The following SYNJ1 variants were observed in gnomAD, a reference collection of about 807,000 sequenced individuals.
SYNJ1 encodes the protein synaptojanin 1, also known as polyphosphatidylinositol phosphatase SYNJ1.
Under a neutral mutation model 168.2 loss-of-function variants are expected in SYNJ1, and 78 were observed. The ratio of observed to expected loss-of-function variants is 0.46; its 90% CI spans 0.39 to 0.56. The LOEUF is 0.56. Among genes scored for constraint, SYNJ1 ranks in the 20% least tolerant of loss-of-function variants. The pLI is 0.00. For missense variants in SYNJ1, 1,303 were observed against 1,597.6 expected, an observed-to-expected ratio of 0.82 and a Z score of 3.14; for synonymous variants, 539 against 548.6, an observed-to-expected ratio of 0.98 and a Z score of 0.24.
intron 21 of SYNJ1, among the ~76,000 whole-genome samples, chr21:32,654,830 C>A (rs1008253985): frequency 6.6e-6 from 1 of 152,104 alleles, no homozygotes; most frequent in South Asian, 2.1e-4. Flanking sequence ...TTCCAGGGAA[C>A]CTCTTATTTA....
chr21:32,666,281 GT>G (rs2040927732), intron 16 of SYNJ1, 146 bp from the exon 17 acceptor site: 26 of 1,421,088 alleles, frequency 1.8e-5, no homozygotes, highest in Non-Finnish European at 2.5e-5. Context: ...GAAGCTATTG[GT>G]GAGTCTTTAA....
intron 18 of SYNJ1, among the ~76,000 whole-genome samples, chr21:32,661,460 C>T (rs1569057890): frequency 1.3e-5 from 2 of 152,170 alleles, no homozygotes; most frequent in African/African-American, 2.4e-5. Context: ...CCAACACAAA[C>T]TGAAAAGGCC....
chr21:32,718,947 G>A (rs999586491), intron 2 of SYNJ1, among the ~76,000 whole-genome samples: 1 of 151,984 alleles, frequency 6.6e-6, no homozygotes, highest in Non-Finnish European at 1.5e-5. Context: ...GAAAATAATA[G>A]CCACACAATA....
intron 13 of SYNJ1, among the ~76,000 whole-genome samples, chr21:32,675,674 T>G (rs1433423650): frequency 6.6e-6 from 1 of 152,224 alleles, no homozygotes; most frequent in Non-Finnish European, 1.5e-5. Context: ...CAGATTCATG[T>G]TTAAAGACAA....
At chr21:32,702,069 T>A in intron 2 of SYNJ1, 22 bp from the exon 3 acceptor site, 1 of 1,524,820 alleles carries the variant, frequency 6.6e-7, no homozygotes, top group Non-Finnish European at 8.9e-7. Flanking sequence ...AGTTTTAGTT[T>A]AAGAAAAATG....
chr21:32,695,005 C>T, intron 5 of SYNJ1, 52 bp downstream of exon 5: 1 of 1,482,970 alleles, frequency 6.7e-7, no homozygotes, highest in Non-Finnish European at 9.2e-7. Flanking sequence ...CTAGTATTTT[C>T]TGTGCTTCTC....
At chr21:32,694,486 G>A (rs923772258) in intron 5 of SYNJ1, among the ~76,000 whole-genome samples, 175 bp from the exon 6 acceptor site, 2 of 151,666 alleles carry the variant, frequency 1.3e-5, no homozygotes, top group African/African-American at 2.4e-5. Flanking sequence ...TTCTGTTAGC[G>A]ATATTAACCA....
chr21:32,695,132 T>A lies in SYNJ1; in HGVS notation c.630A>T (p.Glu210Asp), dbSNP rs1377390036. ...KACLISRLSC[E>D]RAGTRFNVRG... ...GGACATTAAACCTGGTCCCAGCTCG[T>A]TCACAGCTTAATCTTGAAATGAGGC... Residue 210 changes from glutamate (E) to aspartate (D), a missense_variant, in exon 5 of 33, where the codon GAA becomes GAT. Physicochemically the swap from Glu to Asp is conservative, Grantham distance 45. Transcript: ENST00000674351. 1.2e-6 allele frequency: 2 copies of A among 1,614,048 alleles called. No individual in the cohort carries two copies. The highest frequency in any genetic ancestry group is 2.7e-5 in the African/African-American group (2 of 74,940).
At chr21:32,673,586 T>C (rs2041287506) in intron 13 of SYNJ1, 55 bp from the exon 14 acceptor site, 5 of 1,452,808 alleles carry the variant, frequency 3.4e-6, no homozygotes, top group South Asian at 2.8e-5. Flanking sequence ...TTTATAAAAA[T>C]TGATTTTCAT....
rs768146143 is a variant in SYNJ1 at position 32,688,320 on chromosome 21, T to G, written c.837A>C (p.Ala279=). 1.2e-6 allele frequency: 2 copies of G among 1,613,546 alleles called. No individual in the cohort carries two copies. Among genetic ancestry groups the G allele is most frequent in the South Asian group, 1.1e-5 (1 of 90,960 alleles). The change falls in exon 7 of 33, where the codon GCA becomes GCC. Residue 279 remains alanine, a synonymous_variant. Coordinates refer to ENST00000674351, the MANE Select transcript of SYNJ1 (RefSeq NM_203446.3). ...AATTGTCTTACCTGTCAAAAGCAGG[T>G]GCATTGGCTTCAAATCCCCTTGACA... is the stretch of plus-strand genomic sequence containing the variant. ...VRMSRGFEAN[A]PAFDRHFRTL... is the part of the protein sequence containing the mutation.
Position 32,646,582 on chromosome 21 carries a change from C to T in SYNJ1, c.3058G>A (p.Ala1020Thr). 1 of 1,614,100 alleles carries T rather than the reference C, an allele frequency of 6.2e-7. No individual in the cohort carries two copies. Among genetic ancestry groups the T allele is most frequent in the Non-Finnish European group, 8.5e-7 (1 of 1,179,994 alleles). Residue 1020 changes from alanine to threonine, a missense_variant, in exon 24 of 33, where the codon GCT becomes ACT. Physicochemically the swap from Ala to Thr is moderately conservative, Grantham distance 58. Transcript: ENST00000674351. Reference sequence around the variant, plus strand: ...TGAGGAAGAAGTTCCTCCACTTCAGCACTATAGTCATCAACATCACCTAAG... The same window carrying T: ...TGAGGAAGAAGTTCCTCCACTTCAGTACTATAGTCATCAACATCACCTAAG... ...DMEGDVDDYS[A>T]EVEELLPQHL... is the part of the protein sequence containing the mutation.
chr21:32,689,981 T>C (rs1359286304), intron 6 of SYNJ1, among the ~76,000 whole-genome samples: 1 of 152,244 alleles, frequency 6.6e-6, no homozygotes, highest in East Asian at 1.9e-4. Context: ...AATCCCAGAT[T>C]AATTGCCTAT....
At chr21:32,671,775 A>C (rs1192616981) in intron 14 of SYNJ1, among the ~76,000 whole-genome samples, 2 of 152,190 alleles carry the variant, frequency 1.3e-5, no homozygotes, top group African/African-American at 4.8e-5. Context: ...AGGGCATTTT[A>C]GGCCAGGTGC....
rs1317937539 is a variant in SYNJ1 at position 32,629,454 on chromosome 21, T to A, written c.*2351A>T. On this transcript the variant is annotated 3_prime_UTR_variant, in exon 33 of 33. Transcript: ENST00000674351. ...CTATAAATATAGTATTTTGATAACA[T>A]TTGAGCATTTAGAAAAATGCTTTTT... The A allele has an allele frequency of 6.6e-6, 1 of 152,650 alleles. No homozygotes were observed. The highest frequency in any genetic ancestry group is 1.5e-5 in the Non-Finnish European group (1 of 68,030). The allele number at this position is 152,650 out of a possible 1,614,324, so 9.5% of individuals were successfully genotyped here. A position where few individuals can be genotyped will look rare whatever the true frequency, so the allele number is the denominator to read the frequency against.
At chr21:32,689,569 A>C (rs757430671) in intron 6 of SYNJ1, among the ~76,000 whole-genome samples, 2 of 152,248 alleles carry the variant, frequency 1.3e-5, no homozygotes, top group Non-Finnish European at 2.9e-5. Flanking sequence ...TGCTGGGATT[A>C]CAGGCATGAG....
chr21:32,678,424 C>T (rs994008483), intron 12 of SYNJ1, among the ~76,000 whole-genome samples: 21 of 152,062 alleles, frequency 1.4e-4, no homozygotes, highest in African/African-American at 5.1e-4. Flanking sequence ...TAGAAGAAAC[C>T]ATGCAAGGGC....
chr21:32,663,478 T>G (rs951187777), intron 18 of SYNJ1, among the ~76,000 whole-genome samples: 1 of 152,180 alleles, frequency 6.6e-6, no homozygotes, highest in African/African-American at 2.4e-5. Flanking sequence ...ATACTGTATA[T>G]GTGGGCATAG....
chr21:32,687,147 T>A, intron 7 of SYNJ1, 73 bp from the exon 8 acceptor site: 1 of 734,720 alleles, frequency 1.4e-6, no homozygotes, highest in Non-Finnish European at 2.1e-6. Flanking sequence ...AATAATCCAT[T>A]ATTAAATATA....
rs539095803 is a variant in SYNJ1, at chr21:32,653,565, A to T, written c.2796-199T>A. On this transcript the variant is annotated intron_variant, in intron 21 of 32. Transcript: ENST00000674351. ...AAACACTCTAACTCCAATTTCAAAT[A>T]CTATGTTAATGGAACAGCCACAAGA... 1.2e-5 allele frequency: 6 copies of T among 518,572 alleles called. No individual in the cohort carries two copies. In the Admixed American group the frequency reaches 1.7e-4, roughly 15 times the overall value. 32.1% of individuals were successfully genotyped at this position (518,572 alleles called of 1,614,324 possible).
Sources: gnomAD v4.1 joint callset for allele counts (sites outside exome capture counted in the v4.1 genomes callset) on GRCh38, gnomAD v4.1.1 for gene constraint, MANE v1.5 for transcripts, NCBI Gene and HGNC (gene_info 2026-07-23, HGNC 2026-07-21) for gene names.